SH3GL3: variants seen among roughly 807,000 people sequenced by gnomAD.
SH3GL3 encodes the protein SH3 domain containing GRB2 like 3, endophilin A3.
In SH3GL3, 33 loss-of-function variants were observed where a neutral mutation model predicts 47.7. The ratio of observed to expected loss-of-function variants is 0.69; its 90% CI spans 0.52 to 0.92. The LOEUF is 0.92. SH3GL3 is among the 40% of genes least tolerant of loss of function. The pLI, the probability that SH3GL3 is intolerant of heterozygous loss-of-function variation, is 0.00. For synonymous variants in SH3GL3, 155 were observed against 148.8 expected (o/e 1.04, Z -0.30); for missense variants, 363 against 417.8 (o/e 0.87, Z 1.14).
intron 8 of SH3GL3, among the ~76,000 whole-genome samples, chr15:83,610,657 C>T (rs1161681861): frequency 6.6e-6 from 1 of 152,098 alleles, no homozygotes; most frequent in Admixed American, 6.5e-5. Flanking sequence ...CTACCTGGCC[C>T]GAGGTCAAGT....
At chr15:83,484,395 C>A (rs1324965792) in intron 1 of SH3GL3, among the ~76,000 whole-genome samples, 1 of 152,148 alleles carries the variant, frequency 6.6e-6, no homozygotes, top group African/African-American at 2.4e-5. Flanking sequence ...TTTACATTAT[C>A]ATTACATTTA....
intron 1 of SH3GL3, among the ~76,000 whole-genome samples, chr15:83,490,272 T>TG (rs1567266493): frequency 6.6e-6 from 1 of 151,526 alleles, no homozygotes; most frequent in African/African-American, 2.4e-5. Context: ...TGCGTTTTTT[T>TG]TTTTTTTTTT....
At chr15:83,490,670 A>G in intron 1 of SH3GL3, 2 of 1,120,454 alleles carry the variant, frequency 1.8e-6, no homozygotes, top group Non-Finnish European at 2.5e-6. Flanking sequence ...TGGGCAGGAT[A>G]GCACCTGCAC....
chr15:83,553,920 C>A (rs2044795478), intron 1 of SH3GL3, among the ~76,000 whole-genome samples: 1 of 152,072 alleles, frequency 6.6e-6, no homozygotes, highest in South Asian at 2.1e-4. Context: ...CCATACTTTC[C>A]CTCTTGGTTC....
rs200362212 is a variant in SH3GL3 at position 83,618,485 on chromosome 15, T to G, written c.*198T>G. 5.0e-6 allele frequency: 2 copies of G among 401,610 alleles called. No individual in the cohort carries two copies. Among genetic ancestry groups the G allele is most frequent in the Non-Finnish European group, 8.9e-6 (2 of 225,884 alleles). The allele number at this position is 401,610 out of a possible 1,614,324, so 24.9% of individuals were successfully genotyped here. A position where few individuals can be genotyped will look rare whatever the true frequency, so the allele number is the denominator to read the frequency against. ...CTTGTCCTTGCTACATGAAAATATTTTCTTTTTTGCTTCCTGTCCTAAAAG... is the reference window on the plus strand; with the variant it reads ...CTTGTCCTTGCTACATGAAAATATTGTCTTTTTTGCTTCCTGTCCTAAAAG... On this transcript the variant is annotated 3_prime_UTR_variant, in exon 9 of 9. Transcript: ENST00000427482.
intron 1 of SH3GL3, among the ~76,000 whole-genome samples, chr15:83,470,903 C>G (rs1333227751): frequency 6.6e-6 from 1 of 152,098 alleles, no homozygotes; most frequent in Non-Finnish European, 1.5e-5. Context: ...GTGTAGAAAA[C>G]TAACCTCCCT....
intron 1 of SH3GL3, among the ~76,000 whole-genome samples, chr15:83,552,709 A>C (rs989600629): frequency 2.0e-5 from 3 of 152,172 alleles, no homozygotes; most frequent in African/African-American, 7.2e-5. Flanking sequence ...ATAATAGTTG[A>C]CCAAGGTTAT....
At chr15:83,540,011 G>T (rs761114687) in intron 1 of SH3GL3, among the ~76,000 whole-genome samples, 2 of 152,118 alleles carry the variant, frequency 1.3e-5, no homozygotes, top group Non-Finnish European at 2.9e-5. Context: ...CATCTCGTAA[G>T]CTTAGGTTAT....
At chr15:83,615,703 A>T (rs2060794182) in intron 8 of SH3GL3, among the ~76,000 whole-genome samples, 1 of 152,354 alleles carries the variant, frequency 6.6e-6, no homozygotes, top group African/African-American at 2.4e-5. Flanking sequence ...AAATCCAAAA[A>T]TAGATCTAAG....
chr15:83,536,093 A>G (rs913743427), intron 1 of SH3GL3, among the ~76,000 whole-genome samples: 8 of 152,230 alleles, frequency 5.3e-5, no homozygotes, highest in African/African-American at 1.9e-4. Context: ...GTTACTGCGC[A>G]GCTACTAATT....
intron 1 of SH3GL3, among the ~76,000 whole-genome samples, chr15:83,504,269 T>TC (rs1359366491): frequency 6.6e-6 from 1 of 152,194 alleles, no homozygotes. Context: ...CTTGCCAGTT[T>TC]CCCAGAAGTT....
At chr15:83,469,468 CT>C (rs2040731637) in intron 1 of SH3GL3, among the ~76,000 whole-genome samples, 1 of 152,066 alleles carries the variant, frequency 6.6e-6, no homozygotes. Context: ...GTGCTATATT[CT>C]TTCCTTTTAT....
intron 1 of SH3GL3, among the ~76,000 whole-genome samples, chr15:83,482,361 A>G (rs566962689): frequency 1.2e-4 from 18 of 152,272 alleles, no homozygotes; most frequent in Middle Eastern, 3.4e-3. Flanking sequence ...GATATAAAGT[A>G]GGCTTTACTT....
intron 1 of SH3GL3, among the ~76,000 whole-genome samples, chr15:83,545,838 G>T (rs999338673): frequency 1.3e-5 from 2 of 152,166 alleles, no homozygotes; most frequent in Admixed American, 6.5e-5. Flanking sequence ...TGGATTACCA[G>T]GCAGAGTCTC....
chr15:83,595,353 G>A (rs2060210732), intron 8 of SH3GL3, among the ~76,000 whole-genome samples: 1 of 152,120 alleles, frequency 6.6e-6, no homozygotes, highest in South Asian at 2.1e-4. Context: ...GCCTGCTTGA[G>A]GGTGGAGGTT....
chr15:83,473,181 C>A (rs983858992), intron 1 of SH3GL3, among the ~76,000 whole-genome samples: 1 of 128,798 alleles, frequency 7.8e-6, no homozygotes, highest in Non-Finnish European at 1.6e-5. Context: ...CTGATGGAGG[C>A]GAAAGTTCAG....
chr15:83,562,030 A>AACACACACACACACAC (rs55856428), intron 2 of SH3GL3, among the ~76,000 whole-genome samples: 144 of 133,064 alleles, frequency 1.1e-3, no homozygotes, highest in African/African-American at 3.3e-3. Flanking sequence ...ACACACACAC[A>AACACACACACACACAC]ACACACACAC....
rs567095440 is a variant in SH3GL3 at position 83,558,484 on chromosome 15, C to CGT, written c.46-752_46-751dup. ...GGGCAACATTTTTGGTTGTTACAAC[C>CGT]GTGTGTGTGTGTGTGTGTATATGTG... On this transcript the variant is annotated intron_variant, in intron 1 of 8. Coordinates refer to ENST00000427482, the MANE Select transcript of SH3GL3 (RefSeq NM_003027.5). 2.1e-3 allele frequency among the ~76,000 whole-genome samples: 154 copies of CGT among 72,774 alleles called. 3 individuals are homozygous for CGT. In the South Asian group the frequency reaches 0.041, roughly 19 times the overall value. The allele number at this position is 72,774 out of a possible 152,430, so 47.7% of individuals were successfully genotyped here.
At chr15:83,470,337 G>T (rs1255648200) in intron 1 of SH3GL3, among the ~76,000 whole-genome samples, 1 of 152,170 alleles carries the variant, frequency 6.6e-6, no homozygotes, top group Non-Finnish European at 1.5e-5. Context: ...TGATTCTCCT[G>T]CCTCAGCCTC....
Sources: gnomAD v4.1 joint callset for allele counts (sites outside exome capture counted in the v4.1 genomes callset) on GRCh38, gnomAD v4.1.1 for gene constraint, MANE v1.5 for transcripts, NCBI Gene and HGNC (gene_info 2026-07-23, HGNC 2026-07-21) for gene names.